The following MME variants were observed in gnomAD, a reference collection of about 807,000 sequenced individuals.
MME encodes the protein neprilysin.
MME carries 98 observed loss-of-function variants against 113.2 expected under a neutral mutation model. The ratio of observed to expected loss-of-function variants is 0.87; its 90% CI spans 0.74 to 1.02. The LOEUF is 1.02. MME is among the 50% of genes least tolerant of loss of function. The probability of loss-of-function intolerance (pLI) is 0.00; values close to 1 mark genes in which losing one functional copy is unlikely to be tolerated. For synonymous variants in MME, 292 were observed against 300.6 expected (o/e 0.97, Z 0.30); for missense variants, 836 against 896.0 (o/e 0.93, Z 0.86).
Position 155,084,323 on chromosome 3 carries a change from C to T in MME, c.156C>T (p.Tyr52=), listed in dbSNP as rs202173429. 3 of 1,614,068 alleles carry T rather than the reference C, an allele frequency of 1.9e-6. No homozygotes were observed. Among genetic ancestry groups the T allele is most frequent in the East Asian group, 2.2e-5 (1 of 44,864 alleles). The change falls in exon 2 of 23, where the codon TAC becomes TAT. Residue 52 remains tyrosine (Y), a synonymous_variant. Coordinates refer to ENST00000360490, the MANE Select transcript of MME (RefSeq NM_007289.4). ...CAATGATCGCACTCTATGCAACCTA[C>T]GATGGTGAGTTACTCCCACACCTGT... ...AVTMIALYAT[Y]DDGICKSSDC...
At chr3:155,073,947 T>C (rs995335687) in intron 1 of MME, among the ~76,000 whole-genome samples, 1 of 152,138 alleles carries the variant, frequency 6.6e-6, no homozygotes, top group Non-Finnish European at 1.5e-5. Context: ...TAGATTACTT[T>C]GGTTTTTCAG....
At chr3:155,110,098 T>C (rs1718064901) in intron 3 of MME, among the ~76,000 whole-genome samples, 1 of 151,922 alleles carries the variant, frequency 6.6e-6, no homozygotes, top group Non-Finnish European at 1.5e-5. Context: ...GGCTGCAGAG[T>C]GGCAGGAAAG....
intron 1 of MME, among the ~76,000 whole-genome samples, chr3:155,034,074 T>C (rs368096701): frequency 2.4e-4 from 37 of 152,300 alleles, no homozygotes; most frequent in Non-Finnish European, 4.9e-4. Flanking sequence ...GGAAAAAGAC[T>C]ACCTCCAAAG....
intron 10 of MME, among the ~76,000 whole-genome samples, chr3:155,141,639 A>G (rs1721096265): frequency 6.6e-6 from 1 of 152,188 alleles, no homozygotes. Flanking sequence ...TAAACACTTT[A>G]CACACATTTC....
At chr3:155,046,464 G>GAT (rs1240856557) in intron 1 of MME, among the ~76,000 whole-genome samples, 4 of 152,174 alleles carry the variant, frequency 2.6e-5, no homozygotes, top group African/African-American at 9.7e-5. Flanking sequence ...AAGGTGGGTG[G>GAT]ATTGCCTGAT....
rs181988407 is a variant in MME, at chr3:155,103,261, T to C, written c.197-11733T>C. ...AAATATTGATTGAATAAATATACTC[T>C]CAGGTTCCTTACCTTGAAGTCACAA... On this transcript the variant is annotated intron_variant, in intron 3 of 22. Transcript: ENST00000360490. Among the ~76,000 whole-genome samples, 13 of 152,366 alleles carry C rather than the reference T, an allele frequency of 8.5e-5. No individual in the cohort carries two copies. The East Asian group carries it at 2.3e-3, about 27-fold the overall frequency.
intron 22 of MME, among the ~76,000 whole-genome samples, chr3:155,178,228 A>G (rs539677468): frequency 1.3e-5 from 2 of 152,276 alleles, no homozygotes; most frequent in African/African-American, 4.8e-5. Context: ...TTTAAGACTC[A>G]TCTAGGAATC....
intron 1 of MME, among the ~76,000 whole-genome samples, chr3:155,027,465 G>A (rs1576657882): frequency 6.6e-6 from 1 of 152,192 alleles, no homozygotes; most frequent in African/African-American, 2.4e-5. Flanking sequence ...AAGGCTATTA[G>A]CGGATTTCTC....
intron 3 of MME, among the ~76,000 whole-genome samples, chr3:155,097,847 C>T (rs1177837571): frequency 6.6e-6 from 1 of 152,148 alleles, no homozygotes; most frequent in Non-Finnish European, 1.5e-5. Context: ...AGGAGTGGGC[C>T]ATGCACACAG....
chr3:155,179,260 A>G (rs1712844072), intron 22 of MME, among the ~76,000 whole-genome samples: 1 of 152,140 alleles, frequency 6.6e-6, no homozygotes, highest in African/African-American at 2.4e-5. Flanking sequence ...AGGAACAGGA[A>G]GAGAAATGTA....
intron 1 of MME, among the ~76,000 whole-genome samples, chr3:155,067,393 C>A (rs1307551712): frequency 7.3e-6 from 1 of 136,398 alleles, no homozygotes; most frequent in Non-Finnish European, 1.5e-5. Context: ...TCACTGCAAA[C>A]TCCACCTCCC....
intron 8 of MME, among the ~76,000 whole-genome samples, chr3:155,135,733 C>T (rs1006437363): frequency 1.3e-5 from 2 of 152,024 alleles, no homozygotes; most frequent in Non-Finnish European, 2.9e-5. Flanking sequence ...GGCAGTATGG[C>T]CATTTGATGA....
chr3:155,024,545 G>A (rs1471073271), intron 1 of MME, among the ~76,000 whole-genome samples: 1 of 152,134 alleles, frequency 6.6e-6, no homozygotes, highest in Non-Finnish European at 1.5e-5. Flanking sequence ...TCTGAAGAGA[G>A]GACAATAAAG....
At chr3:155,049,678 T>TAGAG (rs199877623) in intron 1 of MME, among the ~76,000 whole-genome samples, 19 of 148,346 alleles carry the variant, frequency 1.3e-4, no homozygotes, top group African/African-American at 4.6e-4. Flanking sequence ...TATCTATATA[T>TAGAG]AGAGAGAGAA....
chr3:155,142,873 G>C (rs1470817538), intron 12 of MME, among the ~76,000 whole-genome samples: 1 of 152,126 alleles, frequency 6.6e-6, no homozygotes, highest in African/African-American at 2.4e-5. Context: ...AAACATGTTA[G>C]TTGGAGTCTT....
intron 17 of MME, among the ~76,000 whole-genome samples, chr3:155,166,672 A>G (rs1723115985): frequency 6.6e-6 from 1 of 152,112 alleles, no homozygotes; most frequent in Non-Finnish European, 1.5e-5. Context: ...AAATGCCTGC[A>G]TTGGTTTCTA....
chr3:155,046,643 T>C (rs1203848792), intron 1 of MME, among the ~76,000 whole-genome samples: 8 of 152,282 alleles, frequency 5.3e-5, no homozygotes, highest in Non-Finnish European at 2.9e-5. Flanking sequence ...TGAGCTGAGA[T>C]CACGCCACTG....
chr3:155,088,212 GCA>G (rs3836439), intron 3 of MME, among the ~76,000 whole-genome samples: 46 of 149,416 alleles, frequency 3.1e-4, no homozygotes, highest in East Asian at 5.9e-4. Context: ...ACTCGTGCGC[GCA>G]CACACACACA....
At chr3:155,057,930 C>T (rs150526056) in intron 1 of MME, among the ~76,000 whole-genome samples, 36 of 152,144 alleles carry the variant, frequency 2.4e-4, no homozygotes, top group African/African-American at 8.4e-4. Flanking sequence ...TTCTTTTGTA[C>T]ATCTTATAGT....
Sources: allele counts gnomAD v4.1 joint callset (sites outside exome capture counted in the v4.1 genomes callset), GRCh38; gene constraint gnomAD v4.1.1; transcripts MANE v1.5; gene names NCBI Gene and HGNC (gene_info 2026-07-23, HGNC 2026-07-21).